The following USP34 variants were observed in gnomAD, a reference collection of about 807,000 sequenced individuals.
The protein encoded by USP34 is ubiquitin specific peptidase 34.
Under a neutral mutation model 460.3 loss-of-function variants are expected in USP34, and 70 were observed. The observed-to-expected ratio is 0.15, with a 90% CI of 0.13 to 0.19. USP34 has a LOEUF of 0.19. USP34 is among the 10% of genes least tolerant of loss of function. The pLI, the probability that USP34 is intolerant of heterozygous loss-of-function variation, is 1.00. For synonymous variants in USP34, 1,647 were observed against 1,405.3 expected (o/e 1.17, Z -3.85); for missense variants, 3,985 against 4,236.2 (o/e 0.94, Z 1.65).
At chr2:61,466,146 C>T (rs954129585) in intron 1 of USP34, among the ~76,000 whole-genome samples, 4 of 151,776 alleles carry the variant, frequency 2.6e-5, no homozygotes, top group Admixed American at 1.3e-4. Flanking sequence ...TGATACAAGC[C>T]GGGCATGGTG....
chr2:61,249,295 A>G (rs1688508141), intron 48 of USP34, among the ~76,000 whole-genome samples: 1 of 152,222 alleles, frequency 6.6e-6, no homozygotes, highest in African/African-American at 2.4e-5. Context: ...TACAAACAGT[A>G]CAATACTGCG....
Position 61,348,457 on chromosome 2 carries a change from G to C in USP34, c.1698C>G (p.Asp566Glu). The part of the protein sequence containing the change: ...DTEESMQGSS[D>E]ETANSGEDGS... ...CATCTTCACCACTGTTGGCAGTTTC[G>C]TCAGAACTTCCCTGCATGGATTCCT... is the stretch of plus-strand genomic sequence containing the variant. The change falls in exon 15 of 80, where the codon GAC becomes GAG. Residue 566 changes from aspartate (D) to glutamate (E), a missense_variant. Physicochemically the swap from Asp to Glu is conservative, Grantham distance 45. This residue lies in a region of USP34 where 716 missense variants were observed against 626.2 expected (regional missense o/e 1.14). Transcript: ENST00000398571. 3 of 1,612,538 alleles carry C rather than the reference G, an allele frequency of 1.9e-6. No individual in the cohort carries two copies. The highest frequency in any genetic ancestry group is 2.5e-6 in the Non-Finnish European group (3 of 1,179,592).
intron 61 of USP34, among the ~76,000 whole-genome samples, chr2:61,228,133 T>G (rs1248263043): frequency 6.6e-6 from 1 of 152,212 alleles, no homozygotes; most frequent in Non-Finnish European, 1.5e-5. Flanking sequence ...TTCAATTGTC[T>G]CATCTGTTAA....
At chr2:61,246,054 ATAAG>A (rs1372865559) in intron 50 of USP34, among the ~76,000 whole-genome samples, 1 of 152,224 alleles carries the variant, frequency 6.6e-6, no homozygotes, top group Non-Finnish European at 1.5e-5. Flanking sequence ...AATAGAGAAG[ATAAG>A]AGTTGAAATG....
intron 1 of USP34, among the ~76,000 whole-genome samples, chr2:61,446,976 C>T (rs927099450): frequency 5.9e-5 from 9 of 151,580 alleles, no homozygotes; most frequent in African/African-American, 1.2e-4. Context: ...AACATTAGGC[C>T]GGGCGTGGTG....
chr2:61,346,751 G>A (rs1294813923), intron 15 of USP34, among the ~76,000 whole-genome samples: 2 of 144,752 alleles, frequency 1.4e-5, no homozygotes, highest in Non-Finnish European at 3.0e-5. Context: ...AGAATCGCTT[G>A]AACCTGGGAG....
chr2:61,241,499 A>G (rs993731470), intron 53 of USP34, 61 bp downstream of exon 53: 56 of 1,242,078 alleles, frequency 4.5e-5, no homozygotes, highest in Non-Finnish European at 6.0e-5. Context: ...ACACTACAGT[A>G]TTCCTTGCAT....
In USP34 at chr2:61,339,694, A is replaced by G; in HGVS notation, c.2501-13T>C. 2 of 1,399,144 alleles carry G rather than the reference A, an allele frequency of 1.4e-6. No individual in the cohort carries two copies. The highest frequency in any genetic ancestry group is 1.9e-6 in the Non-Finnish European group (2 of 1,058,876). 86.7% of individuals were successfully genotyped at this position (1,399,144 alleles called of 1,614,324 possible). On this transcript the variant is annotated splice_polypyrimidine_tract_variant and intron_variant, in intron 16 of 79. Coordinates refer to ENST00000398571, the MANE Select transcript of USP34 (RefSeq NM_014709.4). ...TGAACTACAGGTCCTGAAGAGAAAAAAAAAAAAAAGACACACTATAGAGAA... is the reference window on the plus strand; with the variant it reads ...TGAACTACAGGTCCTGAAGAGAAAAGAAAAAAAAAGACACACTATAGAGAA...
chr2:61,470,543 C>A, intron 1 of USP34, 107 bp downstream of exon 1: 2 of 669,196 alleles, frequency 3.0e-6, no homozygotes, highest in Non-Finnish European at 4.9e-6. Flanking sequence ...GCACGCCGCC[C>A]GGCCCGGCCG....
At chr2:61,336,596 G>A (rs1212134975) in intron 18 of USP34, among the ~76,000 whole-genome samples, 2 of 151,326 alleles carry the variant, frequency 1.3e-5, no homozygotes, top group Non-Finnish European at 2.9e-5. Context: ...GATCACTTGA[G>A]GTCGGGAGTT....
intron 34 of USP34, among the ~76,000 whole-genome samples, chr2:61,285,571 T>C (rs1689664201): frequency 6.6e-6 from 1 of 152,032 alleles, no homozygotes; most frequent in Admixed American, 6.6e-5. Flanking sequence ...AAATAGTCTT[T>C]ACATTCGATT....
At chr2:61,462,260 G>C (rs1054693992) in intron 1 of USP34, among the ~76,000 whole-genome samples, 2 of 143,186 alleles carry the variant, frequency 1.4e-5, no homozygotes, top group Non-Finnish European at 3.1e-5. Flanking sequence ...AAAAAAAAAA[G>C]AAAATCAGCC....
At chr2:61,327,465 G>A (rs926613354) in intron 20 of USP34, among the ~76,000 whole-genome samples, 2 of 152,174 alleles carry the variant, frequency 1.3e-5, no homozygotes, top group African/African-American at 4.8e-5. Context: ...TTTTGTAGCA[G>A]AGGCCTTGAG....
chr2:61,467,242 G>A (rs531480210), intron 1 of USP34, among the ~76,000 whole-genome samples: 1 of 151,890 alleles, frequency 6.6e-6, no homozygotes, highest in Admixed American at 6.6e-5. Flanking sequence ...GGCAGAGGTT[G>A]TAGTGAGCCG....
intron 27 of USP34, among the ~76,000 whole-genome samples, chr2:61,308,207 T>C (rs1488327021): frequency 6.6e-6 from 1 of 151,996 alleles, no homozygotes; most frequent in African/African-American, 2.4e-5. Flanking sequence ...ATATTTACAT[T>C]GAATGCAAAT....
At chr2:61,462,311 G>A (rs1208964744) in intron 1 of USP34, among the ~76,000 whole-genome samples, 1 of 151,554 alleles carries the variant, frequency 6.6e-6, no homozygotes. Flanking sequence ...CAGTTTGGGA[G>A]GCCGAGGTGG....
intron 2 of USP34, among the ~76,000 whole-genome samples, chr2:61,419,407 G>A (rs1211355486): frequency 6.6e-6 from 1 of 151,922 alleles, no homozygotes; most frequent in Non-Finnish European, 1.5e-5. Context: ...ATATTCTGAT[G>A]AGACCTAAGA....
intron 25 of USP34, among the ~76,000 whole-genome samples, chr2:61,313,750 G>A (rs1422236231): frequency 6.6e-6 from 1 of 151,992 alleles, no homozygotes; most frequent in Non-Finnish European, 1.5e-5. Context: ...AAAGAATTCT[G>A]TAATGTCCAA....
intron 10 of USP34, among the ~76,000 whole-genome samples, chr2:61,369,780 A>T (rs1692557405): frequency 6.6e-6 from 1 of 151,636 alleles, no homozygotes; most frequent in South Asian, 2.1e-4. Flanking sequence ...AAAAAAGTCA[A>T]AGCCACATCT....
Sources: gnomAD v4.1 joint callset for allele counts (sites outside exome capture counted in the v4.1 genomes callset) on GRCh38, gnomAD v4.1.1 for gene constraint, gnomAD v4.1.1 regional missense constraint, MANE v1.5 for transcripts, NCBI Gene and HGNC (gene_info 2026-07-23, HGNC 2026-07-21) for gene names.